The following ZNF292 variants were observed in gnomAD, a reference collection of about 807,000 sequenced individuals.
ZNF292 encodes 16 zinc-finger domain protein.
A neutral mutation model predicts 217.9 loss-of-function variants in ZNF292; 26 were observed. That is an observed-to-expected ratio of 0.12 (90% CI 0.09 to 0.17). The LOEUF is 0.17. ZNF292 is among the 10% of genes least tolerant of loss of function. The pLI, the probability that ZNF292 is intolerant of heterozygous loss-of-function variation, is 1.00. For missense variants in ZNF292, 2,904 were observed against 3,175.2 expected (o/e 0.91, Z 2.05); for synonymous variants, 1,257 against 1,124.1 (o/e 1.12, Z -2.37).
chr6:87,197,773 A>AG (rs1386262796), intron 1 of ZNF292, among the ~76,000 whole-genome samples: 4 of 103,644 alleles, frequency 3.9e-5, no homozygotes, highest in East Asian at 3.0e-4. Flanking sequence ...AGTTAGTTTC[A>AG]ATTTTTTATC....
chr6:87,186,715 G>T (rs1355315295), intron 1 of ZNF292, among the ~76,000 whole-genome samples: 1 of 152,148 alleles, frequency 6.6e-6, no homozygotes, highest in East Asian at 1.9e-4. Context: ...CAGCACTACA[G>T]CCTGGGCGAT....
chr6:87,241,729 A>T (rs760205113), intron 5 of ZNF292, among the ~76,000 whole-genome samples: 15 of 152,146 alleles, frequency 9.9e-5, no homozygotes, highest in Non-Finnish European at 1.8e-4. Context: ...CAGAGCTTGG[A>T]TCTTTAATGT....
intron 7 of ZNF292, among the ~76,000 whole-genome samples, chr6:87,248,593 A>G (rs1774732033): frequency 6.6e-6 from 1 of 152,188 alleles, no homozygotes; most frequent in Admixed American, 6.5e-5. Flanking sequence ...AAAACAAACA[A>G]AAACCTGAAA....
intron 1 of ZNF292, among the ~76,000 whole-genome samples, chr6:87,204,582 A>G (rs1304582827): frequency 1.1e-4 from 1 of 8,812 alleles, no homozygotes; most frequent in Non-Finnish European, 1.9e-4. Context: ...TTTTTTTTTG[A>G]TACTAAGTCT....
At chr6:87,232,390 A>G (rs959685259) in intron 4 of ZNF292, among the ~76,000 whole-genome samples, 1 of 152,114 alleles carries the variant, frequency 6.6e-6, no homozygotes, top group Non-Finnish European at 1.5e-5. Flanking sequence ...TCTGTTAACA[A>G]GCAGAGAAGA....
At chr6:87,202,333 A>C (rs1321755146) in intron 1 of ZNF292, among the ~76,000 whole-genome samples, 2 of 152,146 alleles carry the variant, frequency 1.3e-5, no homozygotes, top group African/African-American at 4.8e-5. Context: ...CTTTTTAAAA[A>C]TTATAGTTTC....
chr6:87,189,247 C>G (rs1167337737), intron 1 of ZNF292, among the ~76,000 whole-genome samples: 4 of 151,714 alleles, frequency 2.6e-5, no homozygotes, highest in Non-Finnish European at 4.4e-5. Context: ...TAAAAAATGT[C>G]TTTTTCAAAA....
intron 1 of ZNF292, among the ~76,000 whole-genome samples, chr6:87,198,315 C>T (rs1416722090): frequency 6.6e-6 from 1 of 152,144 alleles, no homozygotes; most frequent in African/African-American, 2.4e-5. Flanking sequence ...CACCATTCTC[C>T]TGCCTTAGCC....
rs1334404348 is a variant in ZNF292 at position 87,264,498 on chromosome 6, T to C, written c.*2697T>C. Among the ~76,000 whole-genome samples, 1 of 152,222 alleles carries C rather than the reference T, an allele frequency of 6.6e-6. No homozygotes were observed. Among genetic ancestry groups the C allele is most frequent in the Non-Finnish European group, 1.5e-5 (1 of 68,042 alleles). ...AGATAATATGAAAGTACAATAATAC[T>C]ATACCTAGGGACATCAGAAAGAATG... On this transcript the variant is annotated 3_prime_UTR_variant, in exon 8 of 8. Transcript: ENST00000369577.
intron 5 of ZNF292, among the ~76,000 whole-genome samples, chr6:87,238,787 T>A (rs570165697): frequency 4.2e-4 from 64 of 151,840 alleles, no homozygotes; most frequent in African/African-American, 1.5e-3. Flanking sequence ...GATAAACAAG[T>A]GAACAAAGGT....
chr6:87,172,109 C>T (rs1457335122), intron 1 of ZNF292, among the ~76,000 whole-genome samples: 1 of 152,184 alleles, frequency 6.6e-6, no homozygotes, highest in Non-Finnish European at 1.5e-5. Flanking sequence ...GTCTCTTATA[C>T]TGTGTACTCT....
At chr6:87,230,148 G>A (rs1316689553) in intron 4 of ZNF292, among the ~76,000 whole-genome samples, 1 of 152,180 alleles carries the variant, frequency 6.6e-6, no homozygotes, top group Non-Finnish European at 1.5e-5. Flanking sequence ...CTGAATAGAT[G>A]GAAATGTGGA....
intron 1 of ZNF292, among the ~76,000 whole-genome samples, chr6:87,202,188 T>C (rs1772118663): frequency 6.6e-6 from 1 of 152,246 alleles, no homozygotes; most frequent in Non-Finnish European, 1.5e-5. Context: ...TATCTATGTA[T>C]GTGGTATTTC....
intron 1 of ZNF292, among the ~76,000 whole-genome samples, chr6:87,175,293 C>G (rs1285664068): frequency 6.6e-6 from 1 of 152,104 alleles, no homozygotes; most frequent in Non-Finnish European, 1.5e-5. Context: ...TTATTGCCTT[C>G]ATTACTTTTT....
chr6:87,212,158 A>C (rs1251198913), intron 1 of ZNF292, among the ~76,000 whole-genome samples: 1 of 152,176 alleles, frequency 6.6e-6, no homozygotes, highest in African/African-American at 2.4e-5. Context: ...ATTATAAAGG[A>C]TACAAATGAA....
At chr6:87,161,024 A>G (rs1481674841) in intron 1 of ZNF292, among the ~76,000 whole-genome samples, 3 of 152,192 alleles carry the variant, frequency 2.0e-5, no homozygotes, top group African/African-American at 7.2e-5. Context: ...AAGCTCCAGA[A>G]ATATACTTTA....
intron 1 of ZNF292, among the ~76,000 whole-genome samples, chr6:87,159,618 T>C (rs1209385058): frequency 3.3e-5 from 5 of 151,304 alleles, no homozygotes; most frequent in African/African-American, 1.2e-4. Context: ...TTCTCCTGCC[T>C]CAGCCTCCTG....
chr6:87,260,865 A>T lies in ZNF292; in HGVS notation c.7236A>T (p.Leu2412Phe). 1 of 1,610,722 alleles carries T rather than the reference A, an allele frequency of 6.2e-7. No homozygotes were observed. Among genetic ancestry groups the T allele is most frequent in the South Asian group, 1.1e-5 (1 of 90,606 alleles). Residue 2412 changes from leucine to phenylalanine, a missense_variant, in exon 8 of 8, where the codon TTA becomes TTT. Physicochemically the swap from Leu to Phe is conservative, Grantham distance 22. This residue lies in a region of ZNF292 where 380 missense variants were observed against 355.3 expected (regional missense o/e 1.07). Coordinates refer to ENST00000369577, the MANE Select transcript of ZNF292 (RefSeq NM_015021.3). ...TTAGACATTATAAGTGCCATAAATT[A>T]TCTAAGGCATTTACATCACAACACC... ...NIIRHYKCHK[L>F]SKAFTSQHRN...
chr6:87,196,297 C>T (rs1554197427), intron 1 of ZNF292, among the ~76,000 whole-genome samples: 1 of 152,028 alleles, frequency 6.6e-6, no homozygotes, highest in African/African-American at 2.4e-5. Context: ...TCTGGGATAT[C>T]TTCATCTTTT....
Sources: gnomAD v4.1 joint callset for allele counts (sites outside exome capture counted in the v4.1 genomes callset) on GRCh38, gnomAD v4.1.1 for gene constraint, gnomAD v4.1.1 regional missense constraint, MANE v1.5 for transcripts, NCBI Gene and HGNC (gene_info 2026-07-23, HGNC 2026-07-21) for gene names.